Variants in ARHGEF33 observed in about 807,000 individuals in gnomAD.
ARHGEF33 encodes DH and coiled-coil domain-containing protein ENSP00000381780.
ARHGEF33 carries 72 observed loss-of-function variants against 101.9 expected under a neutral mutation model. The observed-to-expected ratio is 0.71, with a 90% CI of 0.58 to 0.86. The LOEUF (loss-of-function observed/expected upper bound fraction) is 0.86. Among genes scored for constraint, ARHGEF33 ranks in the 40% least tolerant of loss-of-function variants. ARHGEF33 has a pLI of 0.00. For synonymous variants in ARHGEF33, 499 were observed against 442.5 expected (o/e 1.13, Z -1.60); for missense variants, 1,169 against 1,111.3 (o/e 1.05, Z -0.74).
Position 38,962,983 on chromosome 2 carries a change from C to T in ARHGEF33, c.2343+2335C>T, listed in dbSNP as rs1371544512. 4.2e-5 allele frequency among the ~76,000 whole-genome samples: 6 copies of T among 142,864 alleles called. No homozygotes were observed. In the East Asian group the frequency reaches 1.3e-3, roughly 31 times the overall value. 93.7% of individuals were successfully genotyped at this position (142,864 alleles called of 152,430 possible). On this transcript the variant is annotated intron_variant, in intron 16 of 17. Coordinates refer to ENST00000409978, the MANE Select transcript of ARHGEF33 (RefSeq NM_001145451.5). ...AGCTTGCAGGGAGCCGAGATCGCATCACTGCACTCCAGCCTGGGAGAAAGT... is the reference window on the plus strand; with the variant it reads ...AGCTTGCAGGGAGCCGAGATCGCATTACTGCACTCCAGCCTGGGAGAAAGT...
chr2:38,949,079 C>T (rs945958782), intron 10 of ARHGEF33, among the ~76,000 whole-genome samples: 3 of 152,124 alleles, frequency 2.0e-5, no homozygotes, highest in Non-Finnish European at 2.9e-5. Context: ...GTACCCTATT[C>T]TCGTGTTTGT....
chr2:38,960,327 G>C lies in ARHGEF33; in HGVS notation c.2022G>C (p.Gln674His), dbSNP rs1667889194. Residue 674 changes from glutamine (Q) to histidine (H), a missense_variant, in exon 16 of 18, where the codon CAG (glutamine) becomes CAC (histidine). Transcript: ENST00000409978. The stretch of plus-strand genomic sequence containing the variant: ...CCGAGCGGCCGGAGCACCCGCTGCA[G>C]CCGCTGCCCAAGAGCGCTACGTCGC... Reference protein sequence around the residue: ...MEAERPEHPLQPLPKSATSPA... With the variant: ...MEAERPEHPLHPLPKSATSPA... The C allele has an allele frequency of 1.9e-6, 3 of 1,541,132 alleles. No homozygotes were observed. Among genetic ancestry groups the C allele is most frequent in the Admixed American group, 3.9e-5 (2 of 50,894 alleles).
rs75054940 is a variant in ARHGEF33, at chr2:38,956,877, C to T, written c.1222-22C>T. 7.7e-3 allele frequency: 11,925 copies of T among 1,550,822 alleles called. 74 individuals are homozygous for T. Among genetic ancestry groups the T allele is most frequent in the Middle Eastern group, 0.016 (97 of 5,996 alleles). ...TTTTCATGCTGATTATGCAATGCTA[C>T]TTCCTTTTCCCCTCCATCCAGAACG... On this transcript the variant is annotated intron_variant, in intron 13 of 17. Transcript: ENST00000409978.
chr2:38,972,815 T>G (rs979666594), intron 17 of ARHGEF33, among the ~76,000 whole-genome samples: 1 of 152,134 alleles, frequency 6.6e-6, no homozygotes, highest in Non-Finnish European at 1.5e-5. Context: ...TATGGAGAAC[T>G]TGGTCAGTTG....
rs537468439 is a variant in ARHGEF33, at chr2:38,913,038, GT to G, written c.-85-6309del. On this transcript the variant is annotated intron_variant, in intron 2 of 17. Coordinates refer to ENST00000409978, the MANE Select transcript of ARHGEF33 (RefSeq NM_001145451.5). ...AATGCTTATGCTCTGTCAACAAATT[GT>G]TTTTTTTTTTTTTTTGAGACAGGAT... 1.8e-3 allele frequency among the ~76,000 whole-genome samples: 241 copies of G among 135,750 alleles called. 1 individual carries two copies. The highest frequency in any genetic ancestry group is 2.2e-3 in the African/African-American group (82 of 36,980). 89.1% of individuals were successfully genotyped at this position (135,750 alleles called of 152,430 possible).
intron 2 of ARHGEF33, among the ~76,000 whole-genome samples, chr2:38,900,833 T>A (rs1572738753): frequency 1.3e-5 from 2 of 152,294 alleles, no homozygotes; most frequent in East Asian, 3.9e-4. Flanking sequence ...TGGATTTTCT[T>A]TCAATATCTC....
chr2:38,923,321 A>G (rs1163793119), intron 4 of ARHGEF33, among the ~76,000 whole-genome samples: 2 of 152,184 alleles, frequency 1.3e-5, no homozygotes, highest in Admixed American at 1.3e-4. Context: ...AAGAAGAAAG[A>G]GGAGAAGTGA....
At chr2:38,951,958 A>G (rs1352918853) in intron 11 of ARHGEF33, among the ~76,000 whole-genome samples, 1 of 152,238 alleles carries the variant, frequency 6.6e-6, no homozygotes, top group East Asian at 1.9e-4. Context: ...AAGTGAACAC[A>G]GTATGGACTG....
At chr2:38,925,224 A>G in intron 4 of ARHGEF33, among the ~76,000 whole-genome samples, 1 of 152,204 alleles carries the variant, frequency 6.6e-6, no homozygotes, top group East Asian at 1.9e-4. Flanking sequence ...CTATTTGGCG[A>G]TTCTCTTTTT....
At chr2:38,971,844 CAG>C (rs1668173219) in intron 17 of ARHGEF33, 1 of 718,406 alleles carries the variant, frequency 1.4e-6, no homozygotes, top group African/African-American at 1.7e-5. Flanking sequence ...GAAAACTAGA[CAG>C]GGCGATTTTG....
intron 2 of ARHGEF33, among the ~76,000 whole-genome samples, chr2:38,908,998 C>T (rs1666453023): frequency 6.6e-6 from 1 of 152,170 alleles, no homozygotes; most frequent in Non-Finnish European, 1.5e-5. Context: ...GAATTCAGGT[C>T]ACTTCCATAA....
At chr2:38,908,675 T>C (rs1026092070) in intron 2 of ARHGEF33, among the ~76,000 whole-genome samples, 10 of 152,232 alleles carry the variant, frequency 6.6e-5, no homozygotes, top group African/African-American at 2.4e-4. Context: ...ACCTATTCTC[T>C]GTGCTTTGCT....
chr2:38,965,640 C>T (rs796679384), intron 16 of ARHGEF33, among the ~76,000 whole-genome samples: 26 of 152,312 alleles, frequency 1.7e-4, no homozygotes, highest in South Asian at 1.0e-3. Flanking sequence ...TTTTCTAGCA[C>T]GACAGTGTTG....
intron 7 of ARHGEF33, among the ~76,000 whole-genome samples, chr2:38,933,824 C>A (rs1667065901): frequency 6.6e-6 from 1 of 152,156 alleles, no homozygotes; most frequent in Admixed American, 6.6e-5. Flanking sequence ...ATAATTGGAG[C>A]CATCTGGAGC....
At chr2:38,936,961 A>G (rs927517128) in intron 8 of ARHGEF33, 1 of 149,120 alleles carries the variant, frequency 6.7e-6, no homozygotes, top group African/African-American at 2.5e-5. Context: ...GGGTGACAAA[A>G]GCGAAACTCC....
chr2:38,935,693 G>A (rs1224873750), intron 7 of ARHGEF33, 82 bp from the exon 8 acceptor site: 37 of 1,099,550 alleles, frequency 3.4e-5, no homozygotes, highest in Non-Finnish European at 4.8e-5. Context: ...CTCTGAGTCT[G>A]CCCCCAGTGC....
At chr2:38,913,067 T>C in intron 2 of ARHGEF33, among the ~76,000 whole-genome samples, 1 of 151,400 alleles carries the variant, frequency 6.6e-6, no homozygotes, top group Admixed American at 6.6e-5. Context: ...GACAGGATCT[T>C]GCTCTGTCAC....
rs532876868 is a variant in ARHGEF33 at position 38,912,360 on chromosome 2, G to A, written c.-85-7003G>A. Among the ~76,000 whole-genome samples, 19 of 152,282 alleles carry A rather than the reference G, an allele frequency of 1.2e-4. No homozygotes were observed. In the South Asian group the frequency reaches 3.7e-3, roughly 30 times the overall value. On this transcript the variant is annotated intron_variant, in intron 2 of 17. Transcript: ENST00000409978. ...AGAGATTCCCAGTACAAAATGAAGA[G>A]CAGACTACAAGTGAGATCTCAAAGG... is the stretch of plus-strand genomic sequence containing the variant.
chr2:38,941,797 G>A (rs889399311), intron 9 of ARHGEF33, among the ~76,000 whole-genome samples: 6 of 152,068 alleles, frequency 3.9e-5, no homozygotes, highest in South Asian at 2.1e-4. Flanking sequence ...CGCCCACCCC[G>A]GCCTCCCAAA....
Sources: allele counts gnomAD v4.1 joint callset (sites outside exome capture counted in the v4.1 genomes callset), GRCh38; gene constraint gnomAD v4.1.1; transcripts MANE v1.5; gene names NCBI Gene and HGNC (gene_info 2026-07-23, HGNC 2026-07-21).